FGD6: variants seen among roughly 807,000 people sequenced by gnomAD.
FGD6 encodes FYVE, RhoGEF and PH domain containing 6.
A neutral mutation model predicts 149.4 loss-of-function variants in FGD6; 90 were observed. That is an observed-to-expected ratio of 0.60 (90% confidence interval 0.51 to 0.72). FGD6 has a LOEUF of 0.72. FGD6 is among the 30% of genes least tolerant of loss of function. The probability of loss-of-function intolerance (pLI) is 0.00; values close to 1 mark genes in which losing one functional copy is unlikely to be tolerated. For synonymous variants in FGD6, 527 were observed against 584.0 expected, an observed-to-expected ratio of 0.90 and a Z score of 1.41; for missense variants, 1,437 against 1,684.8, an observed-to-expected ratio of 0.85 and a Z score of 2.57.
Position 95,182,233 on chromosome 12 carries a change from T to C in FGD6, c.2442-9489A>G, listed in dbSNP as rs141081408. Among the ~76,000 whole-genome samples, 1,508 of 151,180 alleles carry C rather than the reference T, an allele frequency of 1.0e-2. 68 individuals carry two copies. Among genetic ancestry groups the C allele is most frequent in the Admixed American group, 0.079 (1,201 of 15,132 alleles). ...TATGTATACATACTTTTTTTTTTTT[T>C]TTTTGGAGATGGAAGCTGGAGTGTA... On this transcript the variant is annotated intron_variant, in intron 2 of 20. Coordinates refer to ENST00000343958, the MANE Select transcript of FGD6 (RefSeq NM_018351.4).
intron 18 of FGD6, among the ~76,000 whole-genome samples, chr12:95,089,064 A>AG (rs1877966810): frequency 6.6e-6 from 1 of 152,226 alleles, no homozygotes; most frequent in Non-Finnish European, 1.5e-5. Context: ...GGATATCAAC[A>AG]AAGTCTGTGG....
At chr12:95,134,977 A>T in intron 7 of FGD6, 151 bp from the exon 8 acceptor site, 1 of 613,504 alleles carries the variant, frequency 1.6e-6, no homozygotes, top group Non-Finnish European at 2.8e-6. Flanking sequence ...TACAGCTGTT[A>T]GATACACTGA....
At chr12:95,176,612 G>A (rs911161235) in intron 2 of FGD6, among the ~76,000 whole-genome samples, 5 of 151,920 alleles carry the variant, frequency 3.3e-5, no homozygotes, top group South Asian at 2.1e-4. Flanking sequence ...ATGGGTAACT[G>A]TTTCCTTCAA....
chr12:95,138,282 G>T (rs1360250158), intron 6 of FGD6, among the ~76,000 whole-genome samples: 2 of 151,306 alleles, frequency 1.3e-5, no homozygotes, highest in African/African-American at 2.4e-5. Context: ...GATGGCTCAC[G>T]CCTGTAATCC....
At chr12:95,107,271 T>C (rs1878659391) in intron 12 of FGD6, among the ~76,000 whole-genome samples, 1 of 152,262 alleles carries the variant, frequency 6.6e-6, no homozygotes, top group Non-Finnish European at 1.5e-5. Context: ...ACAGATTTAA[T>C]GTTTTTTGAA....
Position 95,152,841 on chromosome 12 carries a change from C to T in FGD6, c.2655G>A (p.Val885=), listed in dbSNP as rs1471767766. 6.2e-7 allele frequency: 1 copy of T among 1,613,344 alleles called. No individual in the cohort carries two copies. The highest frequency in any genetic ancestry group is 1.3e-5 in the African/African-American group (1 of 74,876). The change falls in exon 5 of 21, where the codon GTG becomes GTA. Residue 885 remains valine, a splice_region_variant and synonymous_variant. Transcript: ENST00000343958. ...IAKEIMSSEK[V]FVDVLKLLHI... ...GCAAAAGTTTTAACACATCCACAAA[C>T]CTGTAAAAAACAACAATGAAAAAAA...
In FGD6 at chr12:95,077,986, T is replaced by G. The variant is rs1877549598; in HGVS notation, c.*3534A>C. 1 of 152,208 alleles carries G rather than the reference T, an allele frequency of 6.6e-6. No individual in the cohort carries two copies. Among genetic ancestry groups the G allele is most frequent in the South Asian group, 2.1e-4 (1 of 4,832 alleles). 9.4% of individuals were successfully genotyped at this position (152,208 alleles called of 1,614,324 possible). ...TAATGTGGATATTTTCAGGCTGTGT[T>G]GGAGTTGTAGATGACAAGAATCCTG... On this transcript the variant is annotated 3_prime_UTR_variant, in exon 21 of 21. Transcript: ENST00000343958.
rs1390681281 is a variant in FGD6 at position 95,125,277 on chromosome 12, C to T, written c.3082+9462G>A. Among the ~76,000 whole-genome samples, 8 of 152,168 alleles carry T rather than the reference C, an allele frequency of 5.3e-5. No homozygotes were observed. The South Asian group carries it at 1.0e-3, about 20-fold the overall frequency. ...CTACCCTTGATCTTAGCCAAAAGGC[C>T]GAGAAGCGATGATGAAATGTGCTTG... On this transcript the variant is annotated intron_variant, in intron 8 of 20. Coordinates refer to ENST00000343958, the MANE Select transcript of FGD6 (RefSeq NM_018351.4).
chr12:95,150,033 C>T (rs1241109748), intron 5 of FGD6, among the ~76,000 whole-genome samples: 29 of 119,436 alleles, frequency 2.4e-4, no homozygotes, highest in African/African-American at 3.5e-4. Flanking sequence ...CACACACACA[C>T]TTTTTTTTTT....
In FGD6 at chr12:95,135,366, G is replaced by T. The variant is rs147553100; in HGVS notation, c.2995-540C>A. Among the ~76,000 whole-genome samples, 40 of 152,290 alleles carry T rather than the reference G, an allele frequency of 2.6e-4. No homozygotes were observed. The East Asian group carries it at 6.4e-3, about 24-fold the overall frequency. ...GCCTTGCTAAGTATCCCTTCTTTAA[G>T]AAGTCTGAAGAATGTAAAAGTCTTT... On this transcript the variant is annotated intron_variant, in intron 7 of 20. Transcript: ENST00000343958.
chr12:95,216,907 C>T (rs1206859638), intron 1 of FGD6, among the ~76,000 whole-genome samples: 2 of 152,230 alleles, frequency 1.3e-5, no homozygotes, highest in Non-Finnish European at 2.9e-5. Flanking sequence ...TTTTCACATG[C>T]AAAGGCGAAG....
At chr12:95,138,327 T>G (rs1291951548) in intron 6 of FGD6, among the ~76,000 whole-genome samples, 1 of 152,072 alleles carries the variant, frequency 6.6e-6, no homozygotes, top group Non-Finnish European at 1.5e-5. Context: ...GCAGATTACT[T>G]CTGATCAGGA....
intron 18 of FGD6, among the ~76,000 whole-genome samples, chr12:95,086,114 T>C (rs1199217334): frequency 6.6e-6 from 1 of 152,208 alleles, no homozygotes; most frequent in Admixed American, 6.5e-5. Context: ...GAGGCAATTA[T>C]AGAATTTTAC....
intron 2 of FGD6, among the ~76,000 whole-genome samples, chr12:95,180,324 TTGAAG>T (rs1243426231): frequency 1.3e-5 from 2 of 151,846 alleles, no homozygotes; most frequent in African/African-American, 4.8e-5. Flanking sequence ...ATAAATATAG[TTGAAG>T]TACAGTTGCC....
intron 2 of FGD6, among the ~76,000 whole-genome samples, chr12:95,206,712 A>G (rs192033582): frequency 6.6e-6 from 1 of 152,008 alleles, no homozygotes; most frequent in East Asian, 1.9e-4. Flanking sequence ...AAAAAAAAAA[A>G]AAAGAAAAAG....
Position 95,195,180 on chromosome 12 carries a change from A to G in FGD6, c.2441+13663T>C, listed in dbSNP as rs796903343. 1.7e-3 allele frequency among the ~76,000 whole-genome samples: 253 copies of G among 152,292 alleles called. 1 individual carries two copies. Among genetic ancestry groups the G allele is most frequent in the African/African-American group, 5.9e-3 (247 of 41,552 alleles). On this transcript the variant is annotated intron_variant, in intron 2 of 20. Transcript: ENST00000343958. ...CTATGAAATAAAATCTAACAATCCA[A>G]ATCTCTCTGAAGCACCTGATTAGCT...
Position 95,094,699 on chromosome 12 carries a change from T to TG in FGD6, c.3498-6dup, listed in dbSNP as rs751795655. On this transcript the variant is annotated splice_region_variant and splice_polypyrimidine_tract_variant and intron_variant, in intron 14 of 20. Transcript: ENST00000343958. Reference sequence around the variant, plus strand: ...TCATCCCTTTCTGTGGCAGAACTGTTGGGGGCAAAAGGTTTCATCAACCAG... The same window carrying TG: ...TCATCCCTTTCTGTGGCAGAACTGTTGGGGGGCAAAAGGTTTCATCAACCAG... 3 of 1,606,684 alleles carry TG rather than the reference T, an allele frequency of 1.9e-6. No homozygotes were observed. Among genetic ancestry groups the TG allele is most frequent in the Non-Finnish European group, 1.7e-6 (2 of 1,174,864 alleles).
In FGD6 at chr12:95,079,506, T is replaced by C. The variant is rs959614287; in HGVS notation, c.*2014A>G. 6 of 152,190 alleles carry C rather than the reference T, an allele frequency of 3.9e-5. No individual in the cohort carries two copies. The highest frequency in any genetic ancestry group is 1.4e-4 in the African/African-American group (6 of 41,456). The allele number at this position is 152,190 out of a possible 1,614,324, so 9.4% of individuals were successfully genotyped here. On this transcript the variant is annotated 3_prime_UTR_variant, in exon 21 of 21. Coordinates refer to ENST00000343958, the MANE Select transcript of FGD6 (RefSeq NM_018351.4). Reference sequence around the variant, plus strand: ...CAAGAGGAGGGAAAGAAAACCCAAATAACTTGTCTTGCTAAATGCCAGACG... The same window carrying C: ...CAAGAGGAGGGAAAGAAAACCCAAACAACTTGTCTTGCTAAATGCCAGACG...
At chr12:95,095,465 GTTTAAA>G (rs1052174027) in intron 14 of FGD6, among the ~76,000 whole-genome samples, 1 of 151,476 alleles carries the variant, frequency 6.6e-6, no homozygotes, top group Non-Finnish European at 1.5e-5. Context: ...TGAAACCACT[GTTTAAA>G]TTTTGTTTTG....
Sources: gnomAD v4.1 joint callset for allele counts (sites outside exome capture counted in the v4.1 genomes callset) on GRCh38, gnomAD v4.1.1 for gene constraint, MANE v1.5 for transcripts, NCBI Gene and HGNC (gene_info 2026-07-23, HGNC 2026-07-21) for gene names.